RAP1A: variants seen among roughly 807,000 people sequenced by gnomAD.
RAP1A encodes the protein RAP1A, member of RAS oncogene family, also known as ras-related protein Rap-1A.
A neutral mutation model predicts 26.4 loss-of-function variants in RAP1A; 6 were observed. The ratio of observed to expected loss-of-function variants is 0.23; its 90% confidence interval spans 0.12 to 0.45. RAP1A has a LOEUF of 0.45. RAP1A is among the 20% of genes least tolerant of loss of function. The probability of loss-of-function intolerance (pLI) is 0.99; values close to 1 mark genes in which losing one functional copy is unlikely to be tolerated. For missense variants in RAP1A, 121 were observed against 217.2 expected (o/e 0.56, Z 2.78); for synonymous variants, 73 against 79.4 (o/e 0.92, Z 0.43).
chr1:111,714,357 C>G lies in RAP1A; in HGVS notation c.*1956C>G, dbSNP rs1662472277. Reference sequence around the variant, plus strand: ...AACACCCCTCAAACATACCTTTAAACTTAAGATCATAGACAGACATCTCAT... The same window carrying G: ...AACACCCCTCAAACATACCTTTAAAGTTAAGATCATAGACAGACATCTCAT... On this transcript the variant is annotated 3_prime_UTR_variant, in exon 8 of 8. Transcript: ENST00000369709. The G allele has an allele frequency of 6.6e-6, 1 of 152,160 alleles. No individual in the cohort carries two copies. The highest frequency in any genetic ancestry group is 1.5e-5 in the Non-Finnish European group (1 of 68,038). 9.4% of individuals were successfully genotyped at this position (152,160 alleles called of 1,614,324 possible). A position where few individuals can be genotyped will look rare whatever the true frequency, so the allele number is the denominator to read the frequency against.
chr1:111,579,959 A>G (rs1276629955), intron 1 of RAP1A, among the ~76,000 whole-genome samples: 1 of 151,932 alleles, frequency 6.6e-6, no homozygotes, highest in Admixed American at 6.6e-5. Context: ...ATGTCTGGCT[A>G]ATATTTTTGT....
intron 1 of RAP1A, among the ~76,000 whole-genome samples, chr1:111,560,286 T>C (rs1402328478): frequency 6.6e-6 from 1 of 152,064 alleles, no homozygotes; most frequent in African/African-American, 2.4e-5. Flanking sequence ...CTCAGCCTTT[T>C]GGCTAAAATC....
At chr1:111,543,851 G>A (rs1156247720) in intron 1 of RAP1A, among the ~76,000 whole-genome samples, 1 of 152,124 alleles carries the variant, frequency 6.6e-6, no homozygotes, top group Non-Finnish European at 1.5e-5. Flanking sequence ...AAGTTGGTAA[G>A]GGTTTATTTT....
Position 111,645,483 on chromosome 1 carries a change from T to C in RAP1A, c.-28+25549T>C, listed in dbSNP as rs78432512. 8.6e-3 allele frequency among the ~76,000 whole-genome samples: 1,316 copies of C among 152,286 alleles called. 17 individuals carry two copies. Among genetic ancestry groups the C allele is most frequent in the African/African-American group, 0.03 (1,260 of 41,556 alleles). On this transcript the variant is annotated intron_variant, in intron 1 of 7. Coordinates refer to ENST00000369709, the MANE Select transcript of RAP1A (RefSeq NM_002884.4). ...TAGTGACATCAGTTATATAATAATA[T>C]TTTCTCCACCAATGAAGAGAAAGTT...
chr1:111,604,207 T>A (rs1432014921), intron 1 of RAP1A, among the ~76,000 whole-genome samples: 4 of 152,226 alleles, frequency 2.6e-5, no homozygotes, highest in Non-Finnish European at 5.9e-5. Context: ...AATGGGCTTG[T>A]GTAGTGCTCC....
rs771324328 is a variant in RAP1A, at chr1:111,691,358, A to G, written c.-3A>G. 5 of 1,613,146 alleles carry G rather than the reference A, an allele frequency of 3.1e-6. No homozygotes were observed. The highest frequency in any genetic ancestry group is 1.7e-4 in the Middle Eastern group (1 of 6,058). ...GATCGTCAGTATTTAAACAGATCACATCATGCGTGAGTACAAGCTAGTGGT... is the reference window on the plus strand; with the variant it reads ...GATCGTCAGTATTTAAACAGATCACGTCATGCGTGAGTACAAGCTAGTGGT... On this transcript the variant is annotated 5_prime_UTR_variant, in exon 2 of 8. Coordinates refer to ENST00000369709, the MANE Select transcript of RAP1A (RefSeq NM_002884.4).
intron 1 of RAP1A, among the ~76,000 whole-genome samples, chr1:111,600,286 G>A (rs1340745503): frequency 6.6e-6 from 1 of 152,140 alleles, no homozygotes; most frequent in African/African-American, 2.4e-5. Flanking sequence ...CTGGCCTAAT[G>A]CCTTGGCCAG....
upstream of RAP1A, among the ~76,000 whole-genome samples, chr1:111,616,749 T>A (rs892061219): frequency 6.6e-6 from 1 of 151,994 alleles, no homozygotes; most frequent in African/African-American, 2.4e-5. Flanking sequence ...AGCAATGGAG[T>A]GTGGCTGGAG....
chr1:111,555,882 G>A (rs1171750493), intron 1 of RAP1A, among the ~76,000 whole-genome samples: 1 of 151,930 alleles, frequency 6.6e-6, no homozygotes, highest in Non-Finnish European at 1.5e-5. Context: ...GACACCAAAA[G>A]CAAAGGCAAC....
chr1:111,634,229 G>A (rs551480056), intron 1 of RAP1A, among the ~76,000 whole-genome samples: 3 of 152,044 alleles, frequency 2.0e-5, no homozygotes, highest in African/African-American at 7.2e-5. Flanking sequence ...TTTATATGAA[G>A]GACCAACTAT....
At chr1:111,621,246 T>C (rs944510919) in intron 1 of RAP1A, among the ~76,000 whole-genome samples, 1 of 152,184 alleles carries the variant, frequency 6.6e-6, no homozygotes, top group African/African-American at 2.4e-5. Context: ...TTGGAAACTT[T>C]CTTTGGGTTT....
chr1:111,601,648 T>C (rs1658674509), intron 1 of RAP1A, among the ~76,000 whole-genome samples: 2 of 152,176 alleles, frequency 1.3e-5, no homozygotes, highest in Admixed American at 6.5e-5. Context: ...TGATGACAGG[T>C]AGCAGAAAGT....
At chr1:111,594,488 G>GAAGA (rs1428442090) in intron 1 of RAP1A, among the ~76,000 whole-genome samples, 2 of 142,238 alleles carry the variant, frequency 1.4e-5, no homozygotes, top group Non-Finnish European at 3.0e-5. Context: ...CGGAAGGAAG[G>GAAGA]AAGGAAGGAC....
intron 1 of RAP1A, chr1:111,600,131 A>T (rs936468636): frequency 2.0e-5 from 3 of 152,382 alleles, no homozygotes; most frequent in East Asian, 1.9e-4. Context: ...ACATCTTTTT[A>T]AAAAAGTTAC....
chr1:111,592,092 C>A (rs908024778), intron 1 of RAP1A, among the ~76,000 whole-genome samples: 1 of 152,152 alleles, frequency 6.6e-6, no homozygotes, highest in African/African-American at 2.4e-5. Flanking sequence ...AGAATGAATA[C>A]TCCCTGCATG....
chr1:111,551,800 T>C lies in RAP1A; in HGVS notation c.-28+9291T>C, dbSNP rs200175619. Among the ~76,000 whole-genome samples, 9 of 151,506 alleles carry C rather than the reference T, an allele frequency of 5.9e-5. No individual in the cohort carries two copies. The East Asian group carries it at 1.7e-3, about 29-fold the overall frequency. ...AGATGGAGTCTTTACAGAGGGATTC[T>C]GCAACTTTATTGGGGCATGCCTTCA... On this transcript the variant is annotated intron_variant, in intron 1 of 7. Transcript: ENST00000356415.
chr1:111,699,102 A>G (rs1024133243), intron 4 of RAP1A, among the ~76,000 whole-genome samples: 10 of 152,028 alleles, frequency 6.6e-5, no homozygotes, highest in African/African-American at 2.4e-4. Context: ...TATAAGGCCT[A>G]TTTGCTTGTT....
rs1019478736 is a variant in RAP1A at position 111,716,402 on chromosome 1, A to C, written c.*4001A>C. The C allele has an allele frequency of 6.6e-6, 1 of 152,232 alleles. No individual in the cohort carries two copies. The highest frequency in any genetic ancestry group is 2.4e-5 in the African/African-American group (1 of 41,456). 9.4% of individuals were successfully genotyped at this position (152,232 alleles called of 1,614,324 possible). ...CATGGGTTTGTTGAATGTGCAGTCCATTTATTGCCCTGTCTTGCTTAAATA... is the reference window on the plus strand; with the variant it reads ...CATGGGTTTGTTGAATGTGCAGTCCCTTTATTGCCCTGTCTTGCTTAAATA... On this transcript the variant is annotated 3_prime_UTR_variant, in exon 8 of 8. Coordinates refer to ENST00000369709, the MANE Select transcript of RAP1A (RefSeq NM_002884.4).
chr1:111,572,302 C>T (rs1006047619), intron 1 of RAP1A, among the ~76,000 whole-genome samples: 5 of 152,242 alleles, frequency 3.3e-5, no homozygotes, highest in Non-Finnish European at 7.3e-5. Flanking sequence ...CCTGGGCCAC[C>T]CCACAGCTTC....
Sources: allele counts gnomAD v4.1 joint callset (sites outside exome capture counted in the v4.1 genomes callset), GRCh38; gene constraint gnomAD v4.1.1; transcripts MANE v1.5; gene names NCBI Gene and HGNC (gene_info 2026-07-23, HGNC 2026-07-21).